The following NQO2 variants were observed in gnomAD, a reference collection of about 807,000 sequenced individuals.
The protein encoded by NQO2 is N-ribosyldihydronicotinamide:quinone dehydrogenase 2.
A neutral mutation model predicts 22.0 loss-of-function variants in NQO2; 18 were observed. The observed-to-expected ratio is 0.82, with a 90% CI of 0.56 to 1.21. The LOEUF (loss-of-function observed/expected upper bound fraction) is 1.21. Among genes scored for constraint, NQO2 ranks in the 50% most tolerant of loss-of-function variants. The probability of loss-of-function intolerance (pLI) is 0.00; values close to 1 mark genes in which losing one functional copy is unlikely to be tolerated. For synonymous variants in NQO2, 106 were observed against 110.8 expected (o/e 0.96, Z 0.28); for missense variants, 267 against 286.9 (o/e 0.93, Z 0.50).
At chr6:3,010,716 C>G (rs866688462) in intron 3 of NQO2, among the ~76,000 whole-genome samples, 1 of 152,240 alleles carries the variant, frequency 6.6e-6, no homozygotes, top group Non-Finnish European at 1.5e-5. Flanking sequence ...TGTAACTTAG[C>G]CAAAGGAGAT....
intron 1 of NQO2, among the ~76,000 whole-genome samples, chr6:3,003,994 G>T (rs900059442): frequency 3.3e-5 from 5 of 151,672 alleles, no homozygotes; most frequent in African/African-American, 1.2e-4. Context: ...CCTGCCCTTG[G>T]TGCATAGCCT....
intron 4 of NQO2, among the ~76,000 whole-genome samples, chr6:3,013,069 C>T (rs894364834): frequency 2.0e-5 from 3 of 150,174 alleles, no homozygotes; most frequent in Non-Finnish European, 4.4e-5. Context: ...CATTCTCCCG[C>T]CTCAGCCTCC....
chr6:3,013,080 C>T (rs9378756), intron 4 of NQO2, among the ~76,000 whole-genome samples: 84,496 of 149,730 alleles, frequency 0.56, 24,243 homozygotes, highest in Non-Finnish European at 0.62. Flanking sequence ...CTCAGCCTCC[C>T]GAGTAGCTGG....
intron 3 of NQO2, 29 bp from the exon 4 acceptor site, chr6:3,012,515 G>C (rs1172474605): frequency 1.2e-6 from 2 of 1,613,590 alleles, no homozygotes; most frequent in Non-Finnish European, 1.7e-6. Flanking sequence ...CCACCTAGGA[G>C]TGAGAATGTT....
At chr6:3,001,121 C>T (rs28739027) in intron 1 of NQO2, among the ~76,000 whole-genome samples, 3,669 of 132,264 alleles carry the variant, frequency 0.028, 172 homozygotes, top group African/African-American at 0.094. Flanking sequence ...TGGAGTTTCA[C>T]TCTTATTGCC....
intron 5 of NQO2, among the ~76,000 whole-genome samples, chr6:3,016,417 C>T (rs946302759): frequency 8.6e-6 from 1 of 115,752 alleles, no homozygotes; most frequent in Non-Finnish European, 1.6e-5. Context: ...GGTGACAAAG[C>T]GAGACTCTGT....
chr6:3,015,278 G>T (rs969561450), intron 4 of NQO2: 3 of 1,443,624 alleles, frequency 2.1e-6, no homozygotes, highest in Non-Finnish European at 2.8e-6. Context: ...CCTGCCCAGG[G>T]CCAGCATCAG....
intron 5 of NQO2, among the ~76,000 whole-genome samples, chr6:3,016,430 C>CAAAAAAAAAAAAAAAAAAAAAAAA (rs36118697): frequency 1.8e-4 from 15 of 85,696 alleles, no homozygotes; most frequent in African/African-American, 7.2e-4. Context: ...GACTCTGTCT[C>CAAAAAAAAAAAAAAAAAAAAAAAA]AAAAAAAAAA....
At chr6:3,015,679 T>C (rs1175500366) in intron 5 of NQO2, 36 bp downstream of exon 5, 1 of 1,587,786 alleles carries the variant, frequency 6.3e-7, no homozygotes, top group Non-Finnish European at 8.6e-7. Context: ...TATGGATAGT[T>C]GGAGGGAGGG....
intron 1 of NQO2, among the ~76,000 whole-genome samples, chr6:3,005,987 A>C (rs1157510102): frequency 1.3e-5 from 2 of 152,176 alleles, no homozygotes; most frequent in African/African-American, 2.4e-5. Flanking sequence ...ACTTCTGGTT[A>C]GAGCCTGGGT....
intron 1 of NQO2, among the ~76,000 whole-genome samples, chr6:3,003,240 T>C (rs551497164): frequency 5.8e-4 from 89 of 152,314 alleles, no homozygotes; most frequent in Middle Eastern, 3.4e-3. Flanking sequence ...ACAGCCCCAC[T>C]TCTCACTGCC....
chr6:3,009,148 A>G (rs1757059741), intron 2 of NQO2, among the ~76,000 whole-genome samples: 1 of 152,188 alleles, frequency 6.6e-6, no homozygotes, highest in African/African-American at 2.4e-5. Flanking sequence ...CAGCTGGACC[A>G]TAAAAGACAG....
At chr6:3,015,878 G>A (rs552861637) in intron 5 of NQO2, among the ~76,000 whole-genome samples, 1 of 152,278 alleles carries the variant, frequency 6.6e-6, no homozygotes, top group African/African-American at 2.4e-5. Flanking sequence ...CTACACGCAT[G>A]GCAAACAAGG....
intron 6 of NQO2, among the ~76,000 whole-genome samples, chr6:3,017,775 T>C (rs2113465786): frequency 6.6e-6 from 1 of 152,084 alleles, no homozygotes; most frequent in South Asian, 2.1e-4. Context: ...TTCTTCCAGG[T>C]TGTTTAAGGG....
At chr6:3,012,397 C>G in intron 3 of NQO2, 147 bp from the exon 4 acceptor site, 1 of 1,448,606 alleles carries the variant, frequency 6.9e-7, no homozygotes, top group East Asian at 2.4e-5. Flanking sequence ...TTCCCTAGCT[C>G]GGACCCAGGG....
intron 6 of NQO2, among the ~76,000 whole-genome samples, chr6:3,017,587 G>A (rs1757379131): frequency 6.6e-6 from 1 of 152,180 alleles, no homozygotes; most frequent in South Asian, 2.1e-4. Flanking sequence ...AGTGTCCCTG[G>A]GCCTGAAATG....
At chr6:3,013,637 A>T (rs1314742560) in intron 4 of NQO2, among the ~76,000 whole-genome samples, 2 of 152,096 alleles carry the variant, frequency 1.3e-5, no homozygotes, top group Non-Finnish European at 1.5e-5. Context: ...CAAGGAGGTG[A>T]TGCCACTGCA....
At chr6:3,000,732 G>T (rs1166120982) in intron 1 of NQO2, among the ~76,000 whole-genome samples, 3 of 152,128 alleles carry the variant, frequency 2.0e-5, no homozygotes, top group Non-Finnish European at 4.4e-5. Flanking sequence ...TAGTAGAGAC[G>T]GGTTTCATGT....
intron 1 of NQO2, chr6:3,002,329 G>A (rs1756762549): frequency 1.3e-6 from 1 of 784,594 alleles, no homozygotes; most frequent in Non-Finnish European, 1.5e-6. Flanking sequence ...TCTTTTTTGA[G>A]ACAGAGTCTT....
Sources: gnomAD v4.1 joint callset for allele counts (sites outside exome capture counted in the v4.1 genomes callset) on GRCh38, gnomAD v4.1.1 for gene constraint, MANE v1.5 for transcripts, NCBI Gene and HGNC (gene_info 2026-07-23, HGNC 2026-07-21) for gene names.